Variants in SPAG1 observed in about 807,000 individuals in gnomAD.
SPAG1 encodes the protein sperm associated antigen 1.
Under a neutral mutation model 100.5 loss-of-function variants are expected in SPAG1, and 69 were observed. That is an observed-to-expected ratio of 0.69 (90% confidence interval 0.57 to 0.84). The LOEUF (loss-of-function observed/expected upper bound fraction) is 0.84. SPAG1 is among the 40% of genes least tolerant of loss of function. The pLI, the probability that SPAG1 is intolerant of heterozygous loss-of-function variation, is 0.00. For missense variants in SPAG1, 955 were observed against 1,133.1 expected (o/e 0.84, Z 2.26); for synonymous variants, 336 against 411.6 (o/e 0.82, Z 2.22).
At chr8:100,209,390 C>A (rs966537940) in intron 10 of SPAG1, among the ~76,000 whole-genome samples, 1 of 147,600 alleles carries the variant, frequency 6.8e-6, no homozygotes, top group Non-Finnish European at 1.5e-5. Flanking sequence ...CTAGAGAGAA[C>A]CCTGACTAAT....
At chr8:100,206,987 GC>G in intron 10 of SPAG1, among the ~76,000 whole-genome samples, 1 of 152,294 alleles carries the variant, frequency 6.6e-6, no homozygotes, top group Middle Eastern at 3.4e-3. Flanking sequence ...CCTTTGGCAG[GC>G]CCCCATAGAT....
chr8:100,213,528 C>T (rs2132354957), intron 11 of SPAG1, 100 bp downstream of exon 11: 2 of 945,558 alleles, frequency 2.1e-6, no homozygotes, highest in Non-Finnish European at 2.8e-6. Context: ...TCCTGAATGA[C>T]AGGCGCCGGC....
intron 15 of SPAG1, among the ~76,000 whole-genome samples, chr8:100,232,078 A>G (rs1310162789): frequency 6.6e-6 from 1 of 152,200 alleles, no homozygotes; most frequent in Non-Finnish European, 1.5e-5. Flanking sequence ...TTGCTCAGGT[A>G]CCGTCTTTAC....
intron 10 of SPAG1, among the ~76,000 whole-genome samples, chr8:100,212,508 A>T (rs1817757806): frequency 6.6e-6 from 1 of 152,240 alleles, no homozygotes; most frequent in Admixed American, 6.5e-5. Flanking sequence ...TAGTTTGAAT[A>T]AGGCAATGGG....
At chr8:100,215,110 G>T (rs1161205105) in intron 12 of SPAG1, among the ~76,000 whole-genome samples, 1 of 142,918 alleles carries the variant, frequency 7.0e-6, no homozygotes, top group Non-Finnish European at 1.5e-5. Context: ...ACTAGAACAT[G>T]TGCCTCCTAT....
chr8:100,231,273 C>A lies in SPAG1; in HGVS notation c.1973C>A (p.Ala658Asp). The change falls in exon 15 of 19, where the codon GCC (alanine) becomes GAC (aspartate). Residue 658 changes from alanine (A) to aspartate (D), a missense_variant. Transcript: ENST00000388798. ...ECLKINNKEC[A>D]IYTNRALCYL... ...TTAAAGATTAACAATAAGGAATGTG[C>A]CATATATACAAACAGGCAAGTTCTT... The A allele has an allele frequency of 6.4e-7, 1 of 1,560,988 alleles. No individual in the cohort carries two copies. Among genetic ancestry groups the A allele is most frequent in the Non-Finnish European group, 8.7e-7 (1 of 1,150,288 alleles).
chr8:100,203,446 G>A (rs923190948), intron 10 of SPAG1, among the ~76,000 whole-genome samples: 2 of 152,150 alleles, frequency 1.3e-5, no homozygotes, highest in African/African-American at 4.8e-5. Context: ...TCTTTCGTTG[G>A]TTTTGGGGTT....
intron 10 of SPAG1, among the ~76,000 whole-genome samples, chr8:100,212,220 T>C (rs994650091): frequency 3.3e-5 from 5 of 152,202 alleles, no homozygotes; most frequent in African/African-American, 1.2e-4. Flanking sequence ...CTATTCCCTC[T>C]GTCTCTGTGC....
Position 100,165,794 on chromosome 8 carries a change from C to G in SPAG1, c.141-20C>G. Reference sequence around the variant, plus strand: ...CCTAAATAAGGTGCTAACTCTAAAACTTATTTATTTCTTTTTAAGATCTGG... The same window carrying G: ...CCTAAATAAGGTGCTAACTCTAAAAGTTATTTATTTCTTTTTAAGATCTGG... On this transcript the variant is annotated intron_variant, in intron 2 of 18. Coordinates refer to ENST00000388798, the MANE Select transcript of SPAG1 (RefSeq NM_003114.5). 6.2e-7 allele frequency: 1 copy of G among 1,601,058 alleles called. No individual in the cohort carries two copies. Among genetic ancestry groups the G allele is most frequent in the East Asian group, 2.2e-5 (1 of 44,820 alleles).
chr8:100,167,389 C>G (rs2132204450), intron 3 of SPAG1, among the ~76,000 whole-genome samples: 1 of 152,198 alleles, frequency 6.6e-6, no homozygotes, highest in South Asian at 2.1e-4. Flanking sequence ...TAAAGTTTAA[C>G]TTATAAATTA....
In SPAG1 at chr8:100,187,220, G is replaced by A. The variant is rs1364293705; in HGVS notation, c.802G>A (p.Val268Ile). ...TAGTGCTTTTCAGGATTGTGAAAAG[G>A]TCTTGGAGTTAGAACCTGGAAACGT... ...WNSAFQDCEK[V>I]LELEPGNVKA... The change falls in exon 8 of 19, where the codon GTC (valine) becomes ATC (isoleucine). Residue 268 changes from valine to isoleucine, a missense_variant. By Grantham distance (29) the Val-to-Ile change is conservative. Coordinates refer to ENST00000388798, the MANE Select transcript of SPAG1 (RefSeq NM_003114.5). The A allele has an allele frequency of 1.2e-6, 2 of 1,611,428 alleles. No homozygotes were observed. The highest frequency in any genetic ancestry group is 1.3e-5 in the African/African-American group (1 of 74,802).
At chr8:100,191,580 C>A in intron 9 of SPAG1, 84 bp downstream of exon 9, 2 of 920,456 alleles carry the variant, frequency 2.2e-6, no homozygotes, top group Non-Finnish European at 3.4e-6. Context: ...TCTTGCCAAA[C>A]AAATTATGTT....
At chr8:100,204,669 A>G (rs750384631) in intron 10 of SPAG1, among the ~76,000 whole-genome samples, 1 of 152,200 alleles carries the variant, frequency 6.6e-6, no homozygotes, top group Non-Finnish European at 1.5e-5. Flanking sequence ...GGTGAACTGG[A>G]TTAGTCACTT....
chr8:100,196,961 G>T (rs545570608), intron 10 of SPAG1, among the ~76,000 whole-genome samples: 3 of 151,182 alleles, frequency 2.0e-5, no homozygotes, highest in Non-Finnish European at 4.4e-5. Context: ...TCGCCATTTC[G>T]CCCAGGCTGG....
intron 16 of SPAG1, among the ~76,000 whole-genome samples, chr8:100,238,048 G>T (rs1819086377): frequency 6.6e-6 from 1 of 152,154 alleles, no homozygotes; most frequent in South Asian, 2.1e-4. Context: ...TGAGGGTAAA[G>T]TAATAATTGT....
chr8:100,176,843 T>TCTCCTCTC lies in SPAG1; in HGVS notation c.301-970_301-969insCTCTCCTC, dbSNP rs1563775416. On this transcript the variant is annotated intron_variant, in intron 3 of 18. Coordinates refer to ENST00000388798, the MANE Select transcript of SPAG1 (RefSeq NM_003114.5). ...CCTCTCCTCTCCTCTCCTCTCCTCT[T>TCTCCTCTC]CTCTCTCCTCCCTCTCCCCTTCCCC... is the stretch of plus-strand genomic sequence containing the variant. Among the ~76,000 whole-genome samples the TCTCCTCTC allele has an allele frequency of 1.5e-4, 9 of 60,650 alleles. 1 individual carries two copies. Among genetic ancestry groups the TCTCCTCTC allele is most frequent in the East Asian group, 8.8e-4 (1 of 1,138 alleles). 39.8% of individuals were successfully genotyped at this position (60,650 alleles called of 152,430 possible).
At chr8:100,179,188 G>T (rs1224624611) in intron 4 of SPAG1, among the ~76,000 whole-genome samples, 1 of 151,936 alleles carries the variant, frequency 6.6e-6, no homozygotes, top group Non-Finnish European at 1.5e-5. Flanking sequence ...TTCAAGACCA[G>T]CCGGGCCAAC....
At chr8:100,217,466 G>A (rs968144866) in intron 12 of SPAG1, among the ~76,000 whole-genome samples, 5 of 150,204 alleles carry the variant, frequency 3.3e-5, no homozygotes, top group Non-Finnish European at 5.9e-5. Context: ...AGTTGGGGTT[G>A]GGGGGGTGTT....
intron 4 of SPAG1, among the ~76,000 whole-genome samples, chr8:100,182,810 T>C (rs1028077069): frequency 6.6e-6 from 1 of 152,128 alleles, no homozygotes; most frequent in Admixed American, 6.5e-5. Context: ...TTTAAAATTT[T>C]ATATGTATAT....
Sources: gnomAD v4.1 joint callset for allele counts (sites outside exome capture counted in the v4.1 genomes callset) on GRCh38, gnomAD v4.1.1 for gene constraint, MANE v1.5 for transcripts, NCBI Gene and HGNC (gene_info 2026-07-23, HGNC 2026-07-21) for gene names.